Variants in SLX4IP observed in about 807,000 individuals in gnomAD.
The protein encoded by SLX4IP is SLX4 interacting protein.
In SLX4IP, 34 loss-of-function variants were observed where a neutral mutation model predicts 32.9. The ratio of observed to expected loss-of-function variants is 1.03; its 90% CI spans 0.79 to 1.38. The LOEUF (loss-of-function observed/expected upper bound fraction) is 1.38. Ranked by LOEUF, SLX4IP falls within the 40% of genes most tolerant of loss-of-function variation. SLX4IP has a pLI of 0.00. For missense variants in SLX4IP, 444 were observed against 479.0 expected (o/e 0.93, Z 0.68); for synonymous variants, 172 against 171.7 (o/e 1.00, Z -0.01).
At chr20:10,588,746 CA>C (rs1308728001) in intron 4 of SLX4IP, among the ~76,000 whole-genome samples, 8 of 151,990 alleles carry the variant, frequency 5.3e-5, no homozygotes, top group African/African-American at 1.9e-4. Context: ...TTGCCAGAGG[CA>C]GGGGTAGGGA....
At chr20:10,507,539 A>G (rs1568714441) in intron 2 of SLX4IP, among the ~76,000 whole-genome samples, 2 of 152,102 alleles carry the variant, frequency 1.3e-5, no homozygotes, top group Non-Finnish European at 2.9e-5. Flanking sequence ...TGAACCCAGC[A>G]TAAACTTACC....
chr20:10,441,745 A>G, intron 1 of SLX4IP, among the ~76,000 whole-genome samples: 1 of 147,988 alleles, frequency 6.8e-6, no homozygotes, highest in South Asian at 2.1e-4. Context: ...TTTTTTTTAT[A>G]AGTAAACTTT....
At chr20:10,484,680 A>G (rs965498233) in intron 2 of SLX4IP, among the ~76,000 whole-genome samples, 1 of 152,230 alleles carries the variant, frequency 6.6e-6, no homozygotes, top group Non-Finnish European at 1.5e-5. Context: ...TAAGTAAGAC[A>G]TAGTCCTCAC....
intron 6 of SLX4IP, among the ~76,000 whole-genome samples, chr20:10,616,891 CT>C (rs1406103017): frequency 6.6e-6 from 1 of 152,210 alleles, no homozygotes; most frequent in Non-Finnish European, 1.5e-5. Context: ...AACCAAGGTC[CT>C]TTCCCTCAAG....
At position 10,614,216 on chromosome 20, in the gene SLX4IP, T is replaced by A. The variant is rs941039182; in HGVS notation, c.406-7098T>A. On this transcript the variant is annotated intron_variant, in intron 6 of 7. Coordinates refer to ENST00000334534, the MANE Select transcript of SLX4IP (RefSeq NM_001009608.3). ...TCATTTGGGGTTGAATGTAACAGAA[T>A]CAGAAGAAACTCATGTACATAACCA... 3 of 661,964 alleles carry A rather than the reference T, an allele frequency of 4.5e-6. No homozygotes were observed. In the African/African-American group the frequency reaches 5.5e-5, roughly 12 times the overall value. 41.0% of individuals were successfully genotyped at this position (661,964 alleles called of 1,614,324 possible).
chr20:10,623,354 G>T lies in SLX4IP; in HGVS notation c.1202G>T (p.Arg401Ile). ...ATTCAGAACAGCCCAACCAAGAAAA[G>T]AAAGAAATACGAAAGAGGCCATTAA... ...STIQNSPTKK[R>I]KKYERGH Residue 401 changes from arginine to isoleucine, a missense_variant, in exon 8 of 8, where the codon AGA (arginine) becomes ATA (isoleucine). Transcript: ENST00000334534. 2 of 1,611,496 alleles carry T rather than the reference G, an allele frequency of 1.2e-6. No individual in the cohort carries two copies. The highest frequency in any genetic ancestry group is 1.7e-4 in the Middle Eastern group (1 of 6,046).
chr20:10,516,468 A>G (rs1279107906), intron 2 of SLX4IP, among the ~76,000 whole-genome samples: 3 of 152,226 alleles, frequency 2.0e-5, no homozygotes, highest in Non-Finnish European at 2.9e-5. Context: ...TTATAAACTG[A>G]ATCTTAGGCT....
chr20:10,607,938 C>T (rs548337181), intron 6 of SLX4IP, among the ~76,000 whole-genome samples: 4 of 152,310 alleles, frequency 2.6e-5, no homozygotes, highest in African/African-American at 9.6e-5. Context: ...GTTTGTGCCT[C>T]CTCCCACCAC....
intron 4 of SLX4IP, among the ~76,000 whole-genome samples, chr20:10,572,792 C>T (rs1418602097): frequency 6.6e-6 from 1 of 152,104 alleles, no homozygotes; most frequent in Non-Finnish European, 1.5e-5. Context: ...GTACCTAGCC[C>T]TCTGCTCACC....
Position 10,613,183 on chromosome 20 carries a change from A to C in SLX4IP, c.406-8131A>C, listed in dbSNP as rs144621410. ...GAGGCAAGTGCTGTCAGGAAGGGAC[A>C]CTGCCTCCCTCCACCCTCCCAACTG... On this transcript the variant is annotated intron_variant, in intron 6 of 7. Coordinates refer to ENST00000334534, the MANE Select transcript of SLX4IP (RefSeq NM_001009608.3). 1,036 of 515,530 alleles carry C rather than the reference A, an allele frequency of 2.0e-3. 3 individuals are homozygous for C. Among genetic ancestry groups the C allele is most frequent in the Non-Finnish European group, 3.1e-3 (876 of 287,102 alleles). The allele number at this position is 515,530 out of a possible 1,614,324, so 31.9% of individuals were successfully genotyped here. A position where few individuals can be genotyped will look rare whatever the true frequency, so the allele number is the denominator to read the frequency against.
At chr20:10,482,451 T>C (rs1385606013) in intron 2 of SLX4IP, among the ~76,000 whole-genome samples, 2 of 152,212 alleles carry the variant, frequency 1.3e-5, no homozygotes, top group Non-Finnish European at 2.9e-5. Context: ...TTCTTCAAGC[T>C]AAGTTTGAGG....
intron 4 of SLX4IP, among the ~76,000 whole-genome samples, chr20:10,590,536 A>G (rs569572575): frequency 2.6e-3 from 390 of 150,914 alleles, no homozygotes; most frequent in African/African-American, 8.6e-3. Flanking sequence ...AATTTTTTGT[A>G]TTTTAGTAGA....
chr20:10,560,964 G>T (rs2122502630), intron 4 of SLX4IP, 144 bp downstream of exon 4: 1 of 873,306 alleles, frequency 1.1e-6, no homozygotes, highest in East Asian at 3.3e-5. Context: ...CTTTGTTTGG[G>T]TAAAGAAAAT....
At chr20:10,477,291 A>G (rs938769024) in intron 2 of SLX4IP, among the ~76,000 whole-genome samples, 29 of 152,022 alleles carry the variant, frequency 1.9e-4, no homozygotes, top group African/African-American at 6.5e-4. Context: ...GGTTACAGGT[A>G]TGCACCACCA....
At chr20:10,587,514 G>T (rs1215244189) in intron 4 of SLX4IP, among the ~76,000 whole-genome samples, 1 of 152,048 alleles carries the variant, frequency 6.6e-6, no homozygotes, top group East Asian at 1.9e-4. Flanking sequence ...AAAAATTGGA[G>T]ATGAAGAAAA....
rs532282840 is a variant in SLX4IP at position 10,556,404 on chromosome 20, T to C, written c.117+84T>C. The C allele has an allele frequency of 1.0e-5, 14 of 1,342,298 alleles. 1 individual carries two copies. In the South Asian group the frequency reaches 1.7e-4, roughly 16 times the overall value. 83.1% of individuals were successfully genotyped at this position (1,342,298 alleles called of 1,614,324 possible). A position where few individuals can be genotyped will look rare whatever the true frequency, so the allele number is the denominator to read the frequency against. Reference sequence around the variant, plus strand: ...CAGCTCTTTCCAGCTTTCATTTCTGTTAGTGGGAAAAAAATGTTGCGTATT... The same window carrying C: ...CAGCTCTTTCCAGCTTTCATTTCTGCTAGTGGGAAAAAAATGTTGCGTATT... On this transcript the variant is annotated intron_variant, in intron 3 of 7. Coordinates refer to ENST00000334534, the MANE Select transcript of SLX4IP (RefSeq NM_001009608.3).
intron 1 of SLX4IP, among the ~76,000 whole-genome samples, chr20:10,445,169 A>G (rs1438227220): frequency 6.6e-6 from 1 of 152,098 alleles, no homozygotes; most frequent in Non-Finnish European, 1.5e-5. Context: ...CAAGGCCTAA[A>G]TAACAGAAGG....
chr20:10,578,247 C>T (rs1394618490), intron 4 of SLX4IP, among the ~76,000 whole-genome samples: 1 of 152,160 alleles, frequency 6.6e-6, no homozygotes, highest in African/African-American at 2.4e-5. Flanking sequence ...CCCAATACCC[C>T]AGCCACAGAC....
intron 2 of SLX4IP, among the ~76,000 whole-genome samples, chr20:10,476,860 A>G (rs1389499925): frequency 6.6e-6 from 1 of 152,230 alleles, no homozygotes; most frequent in Non-Finnish European, 1.5e-5. Flanking sequence ...TATCTTTAAC[A>G]TTGTGGGCAC....
Sources: allele counts gnomAD v4.1 joint callset (sites outside exome capture counted in the v4.1 genomes callset), GRCh38; gene constraint gnomAD v4.1.1; transcripts MANE v1.5; gene names NCBI Gene and HGNC (gene_info 2026-07-23, HGNC 2026-07-21).